Variants in MCM5 observed in about 807,000 individuals in gnomAD.
MCM5 encodes minichromosome maintenance complex component 5, also known as DNA replication licensing factor MCM5.
A neutral mutation model predicts 79.9 loss-of-function variants in MCM5; 46 were observed. The ratio of observed to expected loss-of-function variants is 0.58; its 90% CI spans 0.45 to 0.74. The LOEUF (loss-of-function observed/expected upper bound fraction) is 0.74, where lower values mean the gene tolerates loss of function less well. MCM5 is among the 30% of genes least tolerant of loss of function. MCM5 has a pLI of 0.00. For synonymous variants in MCM5, 404 were observed against 390.5 expected (o/e 1.03, Z -0.41); for missense variants, 883 against 1,017.0 (o/e 0.87, Z 1.79).
intron 9 of MCM5, 77 bp downstream of exon 9, chr22:35,414,063 G>C: frequency 1.1e-6 from 1 of 887,584 alleles, no homozygotes; most frequent in Non-Finnish European, 1.9e-6. Context: ...GGGTCCTCAG[G>C]ACACCTGTGG....
the MCM5 span, among the ~76,000 whole-genome samples, chr22:35,438,358 C>CATATTCATCCATCCAT: frequency 6.9e-6 from 1 of 145,272 alleles, no homozygotes; most frequent in Middle Eastern, 3.8e-3. Context: ...CACTCACCCA[C>CATATTCATCCATCCAT]CCACATATTT....
At chr22:35,435,768 A>C in the MCM5 span, among the ~76,000 whole-genome samples, 1 of 152,190 alleles carries the variant, frequency 6.6e-6, no homozygotes, top group East Asian at 1.9e-4. Flanking sequence ...CCTGGGTTCT[A>C]GTCCTGCATC....
intron 15 of MCM5, 123 bp from the exon 16 acceptor site, chr22:35,423,091 C>T (rs997767220): frequency 9.3e-7 from 1 of 1,078,420 alleles, no homozygotes; most frequent in Non-Finnish European, 1.3e-6. Context: ...ACACTCGGTG[C>T]CCTTTTCTGA....
At chr22:35,403,042 A>G (rs765025765) in intron 2 of MCM5, among the ~76,000 whole-genome samples, 165 bp from the exon 3 acceptor site, 1 of 152,120 alleles carries the variant, frequency 6.6e-6, no homozygotes, top group Non-Finnish European at 1.5e-5. Context: ...CTGCAGGGTT[A>G]AATAATGGAA....
the MCM5 span, among the ~76,000 whole-genome samples, chr22:35,434,433 A>G: frequency 6.6e-6 from 1 of 152,040 alleles, no homozygotes; most frequent in Non-Finnish European, 1.5e-5. Flanking sequence ...TTCTCTCAGT[A>G]TCCATTTATC....
chr22:35,406,296 A>ACTC (rs1555903415), intron 4 of MCM5, among the ~76,000 whole-genome samples: 3 of 120,922 alleles, frequency 2.5e-5, no homozygotes, highest in African/African-American at 6.5e-5. Flanking sequence ...TTGCCCTGCC[A>ACTC]CCTCCCCCCC....
chr22:35,450,872 G>A, the MCM5 span, among the ~76,000 whole-genome samples: 1 of 152,176 alleles, frequency 6.6e-6, no homozygotes, highest in Admixed American at 6.5e-5. Flanking sequence ...CATGTCAGAG[G>A]GCTGTGTGTG....
intron 14 of MCM5, among the ~76,000 whole-genome samples, chr22:35,421,070 G>A (rs879310606): frequency 1.1e-4 from 16 of 148,232 alleles, no homozygotes; most frequent in Non-Finnish European, 1.8e-4. Context: ...CGAGGCTGCA[G>A]TGAGCTATGA....
At chr22:35,435,889 G>A in the MCM5 span, among the ~76,000 whole-genome samples, 7 of 152,282 alleles carry the variant, frequency 4.6e-5, no homozygotes, top group Admixed American at 1.3e-4. Context: ...GGAAATGGCC[G>A]GGCGCGGTGG....
chr22:35,404,288 C>T (rs971052929), intron 4 of MCM5, among the ~76,000 whole-genome samples: 1 of 152,210 alleles, frequency 6.6e-6, no homozygotes, highest in African/African-American at 2.4e-5. Context: ...TCGTGTGTCT[C>T]AGCCAGGACC....
chr22:35,411,096 C>T (rs4645779), intron 7 of MCM5, 186 bp downstream of exon 7: 18,894 of 533,710 alleles, frequency 0.035, 418 homozygotes, highest in Non-Finnish European at 0.048. Context: ...AGCTGTGGCT[C>T]CTGGGCTGAG....
chr22:35,448,573 G>A, the MCM5 span, among the ~76,000 whole-genome samples: 1 of 152,348 alleles, frequency 6.6e-6, no homozygotes, highest in East Asian at 1.9e-4. Flanking sequence ...GGATGCAATG[G>A]GGAATGAGAC....
the MCM5 span, among the ~76,000 whole-genome samples, chr22:35,448,238 T>C: frequency 6.6e-6 from 1 of 152,158 alleles, no homozygotes; most frequent in Non-Finnish European, 1.5e-5. Flanking sequence ...GTCATGAGGA[T>C]CGAACGAAGA....
At chr22:35,444,357 G>A in the MCM5 span, among the ~76,000 whole-genome samples, 1 of 152,158 alleles carries the variant, frequency 6.6e-6, no homozygotes, top group Non-Finnish European at 1.5e-5. Context: ...CGTTAGGCAG[G>A]GTCTGTGGAC....
the MCM5 span, among the ~76,000 whole-genome samples, chr22:35,452,749 G>A: frequency 2.0e-5 from 3 of 152,222 alleles, no homozygotes; most frequent in African/African-American, 7.2e-5. Flanking sequence ...GGTGGTGCCA[G>A]TGTGGCCAGT....
chr22:35,422,853 C>T (rs1233946860), intron 15 of MCM5: 4 of 165,844 alleles, frequency 2.4e-5, no homozygotes, highest in African/African-American at 9.5e-5. Flanking sequence ...TTCCAACTCT[C>T]TCTCTAATCT....
the MCM5 span, among the ~76,000 whole-genome samples, chr22:35,439,441 ATTAAT>A: frequency 1.4e-3 from 10 of 7,020 alleles, no homozygotes; most frequent in South Asian, 0.018. Flanking sequence ...CCACCCACAT[ATTAAT>A]CCATTCACCC....
At chr22:35,451,418 T>TGC in the MCM5 span, among the ~76,000 whole-genome samples, 1 of 152,256 alleles carries the variant, frequency 6.6e-6, no homozygotes. Context: ...CAACGCAAGC[T>TGC]GCGCGTTCAT....
intron 11 of MCM5, 27 bp downstream of exon 11, chr22:35,416,431 G>T (rs1170755462): frequency 1.2e-6 from 2 of 1,609,808 alleles, no homozygotes; most frequent in South Asian, 1.1e-5. Flanking sequence ...GGAGAGCCCA[G>T]CCTGCAGCAG....
Sources: gnomAD v4.1 joint callset for allele counts (sites outside exome capture counted in the v4.1 genomes callset) on GRCh38, gnomAD v4.1.1 for gene constraint, MANE v1.5 for transcripts, NCBI Gene and HGNC (gene_info 2026-07-23, HGNC 2026-07-21) for gene names.